NSUN6: variants seen among roughly 807,000 people sequenced by gnomAD.
NSUN6 encodes the protein NOP2/Sun RNA methyltransferase 6.
Under a neutral mutation model 58.0 loss-of-function variants are expected in NSUN6, and 64 were observed. The observed-to-expected ratio is 1.10, with a 90% CI of 0.90 to 1.36. The LOEUF (loss-of-function observed/expected upper bound fraction) is 1.36. Among genes scored for constraint, NSUN6 ranks in the 40% most tolerant of loss-of-function variants. NSUN6 has a pLI of 0.00. For synonymous variants in NSUN6, 231 were observed against 193.9 expected (o/e 1.19, Z -1.59); for missense variants, 701 against 550.1 (o/e 1.27, Z -2.74).
chr10:18,548,166 T>G lies in NSUN6; in HGVS notation c.1143A>C (p.Glu381Asp). The G allele has an allele frequency of 6.2e-7, 1 of 1,613,938 alleles. No individual in the cohort carries two copies. The highest frequency in any genetic ancestry group is 8.5e-7 in the Non-Finnish European group (1 of 1,179,900). Residue 381 changes from glutamate to aspartate, a missense_variant, in exon 10 of 11, where the codon GAA (glutamate) becomes GAC (aspartate). Physicochemically the swap from Glu to Asp is conservative, Grantham distance 45. Coordinates refer to ENST00000377304, the MANE Select transcript of NSUN6 (RefSeq NM_182543.5). Reference protein sequence around the residue: ...STCTITLAENEEQVAWALTKF... With the variant: ...STCTITLAENDEQVAWALTKF... The stretch of plus-strand genomic sequence containing the variant: ...TTGTCAGGGCCCAGGCAACCTGTTC[T>G]TCATTTTCGGCCAGTGTTATAGTGC...
chr10:18,570,881 G>GCATTCTCCATTCCATTC (rs931831201), intron 8 of NSUN6, among the ~76,000 whole-genome samples: 2 of 118,344 alleles, frequency 1.7e-5, no homozygotes, highest in East Asian at 2.6e-4. Flanking sequence ...GCATTCCATA[G>GCATTCTCCATTCCATTC]CATTCTCCAT....
upstream of NSUN6, chr10:18,654,977 C>A (rs7899017): frequency 0.36 from 233,371 of 653,474 alleles, 42,850 homozygotes; most frequent in East Asian, 0.74. Context: ...AAAAATCAAT[C>A]TTGGATTGGT....
chr10:18,609,974 AT>A, intron 5 of NSUN6, 48 bp from the exon 6 acceptor site: 1 of 1,086,300 alleles, frequency 9.2e-7, no homozygotes, highest in Non-Finnish European at 1.4e-6. Context: ...TCCATGGTCT[AT>A]ACAAACTATG....
Position 18,551,955 on chromosome 10 carries a change from T to C in NSUN6, c.939A>G (p.Leu313=), listed in dbSNP as rs754002340. 6.2e-7 allele frequency: 1 copy of C among 1,604,600 alleles called. No homozygotes were observed. The highest frequency in any genetic ancestry group is 1.7e-5 in the Admixed American group (1 of 59,792). Residue 313 remains leucine, a synonymous_variant, in exon 9 of 11, where the codon CTA becomes CTG. Coordinates refer to ENST00000377304, the MANE Select transcript of NSUN6 (RefSeq NM_182543.5). ...GAAGAATTCGGTCAAAGGATTCTGG[T>C]AGAAATGGAGGTTCTCCTATAAAGA... ...VEDTEGEPPF[L]PESFDRILLD...
At chr10:18,586,347 G>A (rs555651467) in intron 7 of NSUN6, among the ~76,000 whole-genome samples, 1 of 151,928 alleles carries the variant, frequency 6.6e-6, no homozygotes, top group African/African-American at 2.4e-5. Context: ...TCTTAAAGAC[G>A]TTGTGTCCGG....
chr10:18,652,394 G>C, upstream of NSUN6: 2 of 984,222 alleles, frequency 2.0e-6, no homozygotes, highest in Non-Finnish European at 2.4e-6. Context: ...GTATAGGAAA[G>C]GGTTTTTTAT....
chr10:18,596,639 T>C (rs1442146605), intron 6 of NSUN6, among the ~76,000 whole-genome samples: 1 of 152,172 alleles, frequency 6.6e-6, no homozygotes, highest in African/African-American at 2.4e-5. Context: ...ATAACCCATA[T>C]TATTTCCTTT....
At chr10:18,599,867 C>T (rs555203213) in intron 6 of NSUN6, among the ~76,000 whole-genome samples, 1 of 152,044 alleles carries the variant, frequency 6.6e-6, no homozygotes, top group Non-Finnish European at 1.5e-5. Flanking sequence ...AACTGTCAAC[C>T]CTTTATTAGA....
In NSUN6 at chr10:18,586,005, G is replaced by T. The variant is rs142297438; in HGVS notation, c.866C>A (p.Ala289Glu). 3.4e-5 allele frequency: 54 copies of T among 1,611,612 alleles called. No individual in the cohort carries two copies. The African/African-American group carries it at 7.1e-4, about 21-fold the overall frequency. The part of the protein sequence containing the change: ...ALLLGLNSIR[A>E]FCFDGTKAVK... ...CGCCTTTGTTCCATCAAAACAAAATGCCCTGATGGAATTCAGCCCTAACAA... is the reference window on the plus strand; with the variant it reads ...CGCCTTTGTTCCATCAAAACAAAATTCCCTGATGGAATTCAGCCCTAACAA... The change falls in exon 8 of 11, where the codon GCA (alanine) becomes GAA (glutamate). Residue 289 changes from alanine to glutamate, a missense_variant. Transcript: ENST00000377304.
At chr10:18,652,571 T>G (rs76741857), upstream of NSUN6, 76 of 500,370 alleles carry the variant, frequency 1.5e-4, no homozygotes, top group South Asian at 6.1e-3. Context: ...TCTCTGCTCT[T>G]TTTTTTTTTT....
intron 3 of NSUN6, among the ~76,000 whole-genome samples, chr10:18,617,185 G>GTTTTTTTTTT (rs35698731): frequency 7.8e-6 from 1 of 127,666 alleles, no homozygotes; most frequent in Non-Finnish European, 1.6e-5. Context: ...AGCCTTTCTA[G>GTTTTTTTTTT]TTTTTTTTTT....
At chr10:18,619,725 T>G (rs901450734) in intron 3 of NSUN6, among the ~76,000 whole-genome samples, 1 of 152,230 alleles carries the variant, frequency 6.6e-6, no homozygotes, top group African/African-American at 2.4e-5. Flanking sequence ...GAAATACTTT[T>G]CTAACTTTTC....
chr10:18,646,637 G>A (rs528009142), intron 2 of NSUN6, among the ~76,000 whole-genome samples: 43 of 152,206 alleles, frequency 2.8e-4, no homozygotes, highest in Non-Finnish European at 5.9e-4. Flanking sequence ...AGGGTCAGGA[G>A]TTCGAGACCA....
At chr10:18,555,351 G>T (rs903328665) in intron 8 of NSUN6, among the ~76,000 whole-genome samples, 28 of 151,288 alleles carry the variant, frequency 1.9e-4, no homozygotes, top group African/African-American at 6.8e-4. Context: ...GAATGGAATG[G>T]TATGGAGAAT....
At chr10:18,546,511 A>G (rs1589799723) in intron 10 of NSUN6, among the ~76,000 whole-genome samples, 1 of 152,318 alleles carries the variant, frequency 6.6e-6, no homozygotes, top group East Asian at 1.9e-4. Context: ...TCTATTAAAC[A>G]AGGCTTAAGT....
Position 18,548,132 on chromosome 10 carries a change from A to C in NSUN6, c.1177T>G (p.Cys393Gly). 1 of 1,613,920 alleles carries C rather than the reference A, an allele frequency of 6.2e-7. No homozygotes were observed. The highest frequency in any genetic ancestry group is 1.1e-5 in the South Asian group (1 of 91,048). Residue 393 changes from cysteine to glycine, a missense_variant, in exon 10 of 11, where the codon TGC (cysteine) becomes GGC (glycine). Transcript: ENST00000377304. ...CCTACCTGGGGCTGAAGCTGAAGGC[A>C]AGGAAATTTTGTCAGGGCCCAGGCA... ...QVAWALTKFP[C>G]LQLQPQEPQI... is the part of the protein sequence containing the mutation.
intron 3 of NSUN6, among the ~76,000 whole-genome samples, chr10:18,636,511 A>AAAACT (rs1424063200): frequency 1.3e-5 from 2 of 152,062 alleles, no homozygotes; most frequent in African/African-American, 4.8e-5. Flanking sequence ...AAAACAAAAC[A>AAAACT]AAAAACAGTA....
intron 8 of NSUN6, among the ~76,000 whole-genome samples, chr10:18,560,004 T>C (rs1321922918): frequency 6.8e-6 from 1 of 146,462 alleles, no homozygotes; most frequent in East Asian, 2.0e-4. Flanking sequence ...GAGAATGGAA[T>C]GCAATGGAGA....
At chr10:18,569,230 C>T (rs1175972007) in intron 8 of NSUN6, among the ~76,000 whole-genome samples, 1 of 149,826 alleles carries the variant, frequency 6.7e-6, no homozygotes, top group Non-Finnish European at 1.5e-5. Flanking sequence ...CATTTCATTC[C>T]ACTCTCCGTT....
Sources: allele counts gnomAD v4.1 joint callset (sites outside exome capture counted in the v4.1 genomes callset), GRCh38; gene constraint gnomAD v4.1.1; transcripts MANE v1.5; gene names NCBI Gene and HGNC (gene_info 2026-07-23, HGNC 2026-07-21).